The following KIF21B variants were observed in gnomAD, a reference collection of about 807,000 sequenced individuals.
KIF21B encodes kinesin family member 21B, also known as kinesin-like protein KIF21B.
KIF21B carries 85 observed loss-of-function variants against 192.9 expected under a neutral mutation model. The ratio of observed to expected loss-of-function variants is 0.44; its 90% confidence interval spans 0.37 to 0.53. KIF21B has a LOEUF of 0.53. Ranked by LOEUF, KIF21B falls within the 20% of genes least tolerant of loss-of-function variation. The pLI, the probability that KIF21B is intolerant of heterozygous loss-of-function variation, is 0.00. For missense variants in KIF21B, 1,716 were observed against 2,194.8 expected, an observed-to-expected ratio of 0.78 and a Z score of 4.36; for synonymous variants, 832 against 884.6, an observed-to-expected ratio of 0.94 and a Z score of 1.05.
rs991893747 is a variant in KIF21B, at chr1:201,017,506, G to A, written c.41+5837C>T. Among the ~76,000 whole-genome samples the A allele has an allele frequency of 1.3e-5, 2 of 152,252 alleles. No individual in the cohort carries two copies. Among genetic ancestry groups the A allele is most frequent in the Non-Finnish European group, 2.9e-5 (2 of 68,036 alleles). On this transcript the variant is annotated intron_variant, in intron 1 of 34. Coordinates refer to ENST00000461742, the MANE Select transcript of KIF21B (RefSeq NM_001252102.2). The surrounding 1 kb of genome is among the most constrained non-coding windows in gnomAD (Gnocchi z 4.1). ...GCAGGGGTTTCCCATGACCTCCCCA[G>A]AGACAGGAGACGCTGCAGAGTCAGG...
intron 15 of KIF21B, among the ~76,000 whole-genome samples, chr1:200,993,808 G>A (rs1241391465): frequency 1.3e-5 from 2 of 151,246 alleles, no homozygotes; most frequent in Non-Finnish European, 3.0e-5. Context: ...GAAATGGCAT[G>A]AGGGAGTGGG....
At chr1:201,015,583 G>T (rs1658458733) in intron 1 of KIF21B, among the ~76,000 whole-genome samples, 1 of 152,188 alleles carries the variant, frequency 6.6e-6, no homozygotes, top group South Asian at 2.1e-4. Flanking sequence ...CCTCCAATTG[G>T]CATGCCTGGC....
Position 201,000,503 on chromosome 1 carries a change from C to T in KIF21B, c.1572G>A (p.Pro524=). Residue 524 remains proline (P), a synonymous_variant, in exon 11 of 35, where the codon CCG becomes CCA. Coordinates refer to ENST00000461742, the MANE Select transcript of KIF21B (RefSeq NM_001252102.2). This position sits in a 1 kb window ranked among gnomAD's most constrained non-coding sequence, Gnocchi z 6.0. ...PYSLGASPAA[P]AFGGSPASSM... Reference sequence around the variant, plus strand: ...AGCTGGCAGGGCTGCCCCCGAAGGCCGGGGCGGCTGGAGAAGCACCCAGGG... The same window carrying T: ...AGCTGGCAGGGCTGCCCCCGAAGGCTGGGGCGGCTGGAGAAGCACCCAGGG... 6.2e-7 allele frequency: 1 copy of T among 1,610,332 alleles called. No homozygotes were observed. Among genetic ancestry groups the T allele is most frequent in the Non-Finnish European group, 8.5e-7 (1 of 1,177,780 alleles).
At chr1:200,997,612 G>A (rs551945998) in intron 14 of KIF21B, among the ~76,000 whole-genome samples, 8 of 152,098 alleles carry the variant, frequency 5.3e-5, no homozygotes, top group Admixed American at 2.6e-4. Context: ...GCGTGGTGGC[G>A]GGCGCTTGTA....
Position 200,980,943 on chromosome 1 carries a change from G to C in KIF21B, c.3979+17C>G. Reference sequence around the variant, plus strand: ...AGGAGACCCCAACCCTACCTGGCTAGTTGGCGTTCCACATACCTTTGGACC... The same window carrying C: ...AGGAGACCCCAACCCTACCTGGCTACTTGGCGTTCCACATACCTTTGGACC... On this transcript the variant is annotated intron_variant, in intron 29 of 34. Transcript: ENST00000461742. 3 of 1,606,668 alleles carry C rather than the reference G, an allele frequency of 1.9e-6. No homozygotes were observed. Among genetic ancestry groups the C allele is most frequent in the South Asian group, 2.2e-5 (2 of 89,642 alleles).
chr1:200,998,703 G>T lies in KIF21B; in HGVS notation c.1886-128C>A. ...TGACCAATCAGTGACCAGAGACTGG[G>T]CAAAATGATAAATCCTAATGCAGGT... On this transcript the variant is annotated intron_variant, in intron 13 of 34. Coordinates refer to ENST00000461742, the MANE Select transcript of KIF21B (RefSeq NM_001252102.2). This position sits in a 1 kb window ranked among gnomAD's most constrained non-coding sequence, Gnocchi z 4.3. The T allele has an allele frequency of 2.7e-6, 2 of 737,402 alleles. No individual in the cohort carries two copies. The highest frequency in any genetic ancestry group is 4.5e-6 in the Non-Finnish European group (2 of 448,778). 45.7% of individuals were successfully genotyped at this position (737,402 alleles called of 1,614,324 possible).
At chr1:200,987,300 T>G (rs1571925178) in intron 24 of KIF21B, 99 bp from the exon 25 acceptor site, 2 of 1,082,616 alleles carry the variant, frequency 1.8e-6, no homozygotes, top group South Asian at 1.6e-5. Context: ...GAGACAGTGG[T>G]GCAAACATGG....
rs1657295942 is a variant in KIF21B at position 200,999,217 on chromosome 1, G to A, written c.1885+132C>T. ...GCCATCATTCTCATCATGACTGCCT[G>A]TTGTCATTGGTTTCACGTCTGGGAG... On this transcript the variant is annotated intron_variant, in intron 13 of 34. Coordinates refer to ENST00000461742, the MANE Select transcript of KIF21B (RefSeq NM_001252102.2). This position sits in a 1 kb window ranked among gnomAD's most constrained non-coding sequence, Gnocchi z 4.7. The A allele has an allele frequency of 9.4e-7, 1 of 1,062,426 alleles. No individual in the cohort carries two copies. Among genetic ancestry groups the A allele is most frequent in the African/African-American group, 1.5e-5 (1 of 64,724 alleles). 65.8% of individuals were successfully genotyped at this position (1,062,426 alleles called of 1,614,324 possible).
intron 27 of KIF21B, 84 bp downstream of exon 27, chr1:200,984,775 G>T: frequency 9.4e-7 from 1 of 1,063,310 alleles, no homozygotes; most frequent in Non-Finnish European, 1.3e-6. Flanking sequence ...TTGGCCACCT[G>T]AGCCCTCCTC....
Position 200,983,052 on chromosome 1 carries a change from G to A in KIF21B, c.3842+4C>T. The A allele has an allele frequency of 6.5e-7, 1 of 1,536,038 alleles. No homozygotes were observed. Among genetic ancestry groups the A allele is most frequent in the Non-Finnish European group, 8.7e-7 (1 of 1,146,788 alleles). ...ACCAAACACGAGAGACATTCTGTGT[G>A]TACCTCAGGACCTCCGACAAAGAGG... On this transcript the variant is annotated splice_donor_region_variant and intron_variant, in intron 28 of 34. Coordinates refer to ENST00000461742, the MANE Select transcript of KIF21B (RefSeq NM_001252102.2).
intron 3 of KIF21B, among the ~76,000 whole-genome samples, chr1:201,006,035 G>A (rs1353880760): frequency 6.6e-6 from 1 of 152,258 alleles, no homozygotes; most frequent in Non-Finnish European, 1.5e-5. Flanking sequence ...AGATCCTGTC[G>A]TATTCCTGGA....
In KIF21B at chr1:200,999,247, G is replaced by T. The variant is rs1206932467; in HGVS notation, c.1885+102C>A. 7 of 1,398,874 alleles carry T rather than the reference G, an allele frequency of 5.0e-6. No homozygotes were observed. The East Asian group carries it at 1.1e-4, about 23-fold the overall frequency. The allele number at this position is 1,398,874 out of a possible 1,614,324, so 86.7% of individuals were successfully genotyped here. On this transcript the variant is annotated intron_variant, in intron 13 of 34. Transcript: ENST00000461742. This position sits in a 1 kb window ranked among gnomAD's most constrained non-coding sequence, Gnocchi z 4.7. ...CATTGGTTTCACGTCTGGGAGTGCT[G>T]GGGCCTGGACACCATTATCTTTGAG... is the stretch of plus-strand genomic sequence containing the variant.
At chr1:200,976,973 A>G in intron 31 of KIF21B, 80 bp from the exon 32 acceptor site, 1 of 1,138,270 alleles carries the variant, frequency 8.8e-7, no homozygotes, top group Non-Finnish European at 1.3e-6. Flanking sequence ...GCCCCAAAAC[A>G]AATAGGCCTG....
intron 21 of KIF21B, among the ~76,000 whole-genome samples, 169 bp from the exon 22 acceptor site, chr1:200,989,100 C>T (rs1458558462): frequency 2.0e-5 from 3 of 152,176 alleles, no homozygotes; most frequent in Non-Finnish European, 4.4e-5. Flanking sequence ...TTAGCTCCCA[C>T]ATACACACAT....
chr1:200,991,428 T>C (rs1416569132), intron 17 of KIF21B, among the ~76,000 whole-genome samples: 1 of 152,108 alleles, frequency 6.6e-6, no homozygotes, highest in Non-Finnish European at 1.5e-5. Context: ...TTCTAATAGG[T>C]TGGACACAAT....
intron 4 of KIF21B, 26 bp downstream of exon 4, chr1:201,005,519 G>A: frequency 6.2e-7 from 1 of 1,606,744 alleles, no homozygotes; most frequent in Non-Finnish European, 8.5e-7. Flanking sequence ...CCCTGGACCT[G>A]CTCCAGACCT....
Position 201,009,513 on chromosome 1 carries a change from G to A in KIF21B, c.42-25C>T, listed in dbSNP as rs775084991. The A allele has an allele frequency of 2.5e-6, 4 of 1,604,798 alleles. No homozygotes were observed. In the Admixed American group the frequency reaches 6.7e-5, roughly 27 times the overall value. On this transcript the variant is annotated intron_variant, in intron 1 of 34. Transcript: ENST00000461742. ...CCTGCCCATGATGGAGAGAGCCCTG[G>A]GTCAGGCCCAGCTAGAAGGGGGCTG... is the stretch of plus-strand genomic sequence containing the variant.
At chr1:200,989,860 G>A in intron 21 of KIF21B, 82 bp downstream of exon 21, 1 of 1,123,342 alleles carries the variant, frequency 8.9e-7, no homozygotes, top group African/African-American at 1.5e-5. Context: ...GGAGGCGCCA[G>A]GCCCCTGGGC....
intron 7 of KIF21B, 64 bp from the exon 8 acceptor site, chr1:201,003,845 C>G (rs547952626): frequency 1.3e-6 from 2 of 1,545,068 alleles, no homozygotes; most frequent in Admixed American, 1.7e-5. Flanking sequence ...AGCATTGCCT[C>G]AGGGTAGAGG....
Sources: gnomAD v4.1 joint callset for allele counts (sites outside exome capture counted in the v4.1 genomes callset) on GRCh38, gnomAD v4.1.1 for gene constraint, Gnocchi (gnomAD v3.1) non-coding constraint, MANE v1.5 for transcripts, NCBI Gene and HGNC (gene_info 2026-07-23, HGNC 2026-07-21) for gene names.